Variants in RREB1 observed in about 807,000 individuals in gnomAD.
The protein encoded by RREB1 is ras-responsive element-binding protein 1.
In RREB1, 27 loss-of-function variants were observed where a neutral mutation model predicts 117.8. The ratio of observed to expected loss-of-function variants is 0.23; its 90% CI spans 0.17 to 0.32. The LOEUF is 0.32. Among genes scored for constraint, RREB1 ranks in the 10% least tolerant of loss-of-function variants. The pLI, the probability that RREB1 is intolerant of heterozygous loss-of-function variation, is 1.00. For missense variants in RREB1, 2,577 were observed against 2,378.2 expected (o/e 1.08, Z -1.74); for synonymous variants, 1,298 against 1,026.7 (o/e 1.26, Z -5.05).
Position 7,229,243 on chromosome 6 carries a change from G to A in RREB1, c.1144G>A (p.Glu382Lys). The change falls in exon 10 of 13, where the codon GAG (glutamate) becomes AAG (lysine). Residue 382 changes from glutamate (E) to lysine (K), a missense_variant. Physicochemically the swap from Glu to Lys is moderately conservative, Grantham distance 56. Coordinates refer to ENST00000379938, the MANE Select transcript of RREB1 (RefSeq NM_001003699.4). This position sits in a 1 kb window ranked among gnomAD's most constrained non-coding sequence, Gnocchi z 4.5. ...TKDVRPAPAEEPLPDDNQAIQ... is the reference protein window; with the variant it reads ...TKDVRPAPAEKPLPDDNQAIQ... ...AGACGTCAGGCCTGCCCCCGCCGAG[G>A]AGCCCCTGCCGGATGACAACCAGGC... 1 of 1,613,936 alleles carries A rather than the reference G, an allele frequency of 6.2e-7. No homozygotes were observed. The highest frequency in any genetic ancestry group is 8.5e-7 in the Non-Finnish European group (1 of 1,179,958).
At chr6:7,161,401 A>G (rs190931636) in intron 1 of RREB1, among the ~76,000 whole-genome samples, 1 of 152,354 alleles carries the variant, frequency 6.6e-6, no homozygotes, top group Admixed American at 6.5e-5. Context: ...TAAAAACCCC[A>G]GGAGGCAAAC....
chr6:7,167,114 G>A (rs1038679628), intron 1 of RREB1, among the ~76,000 whole-genome samples: 5 of 152,274 alleles, frequency 3.3e-5, no homozygotes, highest in Non-Finnish European at 5.9e-5. Context: ...TGAATATAGG[G>A]AAGAAAGAGC....
At chr6:7,110,254 T>G (rs1419473851) in intron 1 of RREB1, among the ~76,000 whole-genome samples, 2 of 152,240 alleles carry the variant, frequency 1.3e-5, no homozygotes, top group Non-Finnish European at 2.9e-5. Context: ...ATGAAAATCA[T>G]CCTCTAGATT....
chr6:7,237,807 G>A (rs979697591), intron 10 of RREB1, among the ~76,000 whole-genome samples: 15 of 152,152 alleles, frequency 9.9e-5, no homozygotes, highest in African/African-American at 1.9e-4. Context: ...TCAGACTTAC[G>A]CAGTGAAATG....
intron 8 of RREB1, among the ~76,000 whole-genome samples, chr6:7,222,736 A>G (rs999672497): frequency 1.3e-5 from 2 of 152,070 alleles, no homozygotes; most frequent in African/African-American, 4.8e-5. Flanking sequence ...CTGAGACGGG[A>G]GGATTGCTTG....
chr6:7,111,548 TTAAC>T (rs1377328014), intron 1 of RREB1, among the ~76,000 whole-genome samples: 1 of 152,220 alleles, frequency 6.6e-6, no homozygotes, highest in Admixed American at 6.5e-5. Context: ...GATGCTAAAA[TTAAC>T]CAAAGCATTT....
intron 6 of RREB1, 37 bp downstream of exon 6, chr6:7,189,359 G>A (rs1396033321): frequency 3.1e-5 from 47 of 1,530,922 alleles, no homozygotes; most frequent in Non-Finnish European, 3.8e-5. Context: ...GGGTTGGCTG[G>A]TACTTGGAGG....
At chr6:7,153,371 T>C (rs1457381956) in intron 1 of RREB1, among the ~76,000 whole-genome samples, 1 of 151,050 alleles carries the variant, frequency 6.6e-6, no homozygotes, top group African/African-American at 2.5e-5. Flanking sequence ...TTACTCTTGC[T>C]CCTCCCTACT....
intron 1 of RREB1, among the ~76,000 whole-genome samples, chr6:7,122,650 A>G (rs943510686): frequency 2.0e-5 from 3 of 152,384 alleles, no homozygotes; most frequent in East Asian, 1.9e-4. Context: ...TCTGATTGGA[A>G]TAGCTTGGTG....
At chr6:7,206,890 C>G (rs1318670444) in intron 6 of RREB1, among the ~76,000 whole-genome samples, 1 of 152,162 alleles carries the variant, frequency 6.6e-6, no homozygotes, top group African/African-American at 2.4e-5. Context: ...GCTAGTCTGT[C>G]TGAAAGAGCT....
In RREB1 at chr6:7,211,667, G is replaced by A. The variant is rs115623059; in HGVS notation, c.665G>A (p.Gly222Glu). 2.1e-5 allele frequency: 34 copies of A among 1,614,114 alleles called. No homozygotes were observed. In the African/African-American group the frequency reaches 3.6e-4, roughly 17 times the overall value. ...TTCAAGGAGTTTGTTTGCAAGTATG[G>A]ACTGGAGACCCACATGGAGACCCAT... Reference protein sequence around the residue: ...VCFKEFVCKYGLETHMETHSD... With the variant: ...VCFKEFVCKYELETHMETHSD... The change falls in exon 8 of 13, where the codon GGA becomes GAA. Residue 222 changes from glycine to glutamate, a missense_variant. By Grantham distance (98) the Gly-to-Glu change is moderately conservative. Coordinates refer to ENST00000379938, the MANE Select transcript of RREB1 (RefSeq NM_001003699.4).
intron 1 of RREB1, among the ~76,000 whole-genome samples, chr6:7,160,465 C>T (rs1763597467): frequency 6.6e-6 from 1 of 152,094 alleles, no homozygotes; most frequent in African/African-American, 2.4e-5. Context: ...TGCCAGCTAG[C>T]TTTTTAAACT....
At chr6:7,181,693 C>T in intron 3 of RREB1, 177 bp from the exon 4 acceptor site, 1 of 636,136 alleles carries the variant, frequency 1.6e-6, no homozygotes, top group Non-Finnish European at 2.8e-6. Flanking sequence ...TATGCCAAGA[C>T]TTGGTTTAAA....
intron 10 of RREB1, among the ~76,000 whole-genome samples, chr6:7,237,676 T>C (rs1768423899): frequency 1.3e-5 from 2 of 152,230 alleles, no homozygotes; most frequent in Non-Finnish European, 2.9e-5. Context: ...AATCATTTGC[T>C]ACTTTCTATA....
chr6:7,237,717 C>G (rs1345295682), intron 10 of RREB1, among the ~76,000 whole-genome samples: 2 of 152,180 alleles, frequency 1.3e-5, no homozygotes, highest in Non-Finnish European at 2.9e-5. Flanking sequence ...GTTTTTGAAA[C>G]CTGCGTTATT....
chr6:7,221,895 A>G (rs1767282375), intron 8 of RREB1, among the ~76,000 whole-genome samples: 1 of 152,256 alleles, frequency 6.6e-6, no homozygotes, highest in African/African-American at 2.4e-5. Flanking sequence ...AAAACGTGCC[A>G]GGAAACGGGC....
intron 1 of RREB1, among the ~76,000 whole-genome samples, chr6:7,137,824 CAG>C (rs993405454): frequency 6.6e-6 from 1 of 152,130 alleles, no homozygotes; most frequent in African/African-American, 2.4e-5. Flanking sequence ...CCTCAGCTTT[CAG>C]AGTCTCTTGC....
chr6:7,248,848 C>A lies in RREB1; in HGVS notation c.5109C>A (p.Asp1703Glu), dbSNP rs1467596588. 5.0e-6 allele frequency: 8 copies of A among 1,609,640 alleles called. No individual in the cohort carries two copies. Among genetic ancestry groups the A allele is most frequent in the Non-Finnish European group, 5.9e-6 (7 of 1,178,196 alleles). ...AGWPSEPGQG[D>E]LNPESPAALG... ...GGCCGTCTGAGCCTGGCCAGGGTGA[C>A]CTTAACCCAGAGAGCCCGGCGGCCC... The change falls in exon 13 of 13, where the codon GAC (aspartate) becomes GAA (glutamate). Residue 1703 changes from aspartate (D) to glutamate (E), a missense_variant. Transcript: ENST00000379938.
intron 6 of RREB1, among the ~76,000 whole-genome samples, chr6:7,200,258 G>A (rs1259474625): frequency 7.5e-6 from 1 of 133,852 alleles, no homozygotes; most frequent in Non-Finnish European, 1.5e-5. Context: ...GTGTGTGTGT[G>A]TGTGTGTGTG....
Sources: gnomAD v4.1 joint callset for allele counts (sites outside exome capture counted in the v4.1 genomes callset) on GRCh38, gnomAD v4.1.1 for gene constraint, Gnocchi (gnomAD v3.1) non-coding constraint, MANE v1.5 for transcripts, NCBI Gene and HGNC (gene_info 2026-07-23, HGNC 2026-07-21) for gene names.